Variants in ASTN2 observed in about 807,000 individuals in gnomAD.
ASTN2 encodes astrotactin 2, also known as astrotactin-2.
In ASTN2, 54 loss-of-function variants were observed where a neutral mutation model predicts 139.8. The observed-to-expected ratio is 0.39, with a 90% CI of 0.31 to 0.48. The LOEUF is 0.48. ASTN2 is among the 20% of genes least tolerant of loss of function. The probability of loss-of-function intolerance (pLI) is 0.95; values close to 1 mark genes in which losing one functional copy is unlikely to be tolerated. For synonymous variants in ASTN2, 756 were observed against 719.5 expected, an observed-to-expected ratio of 1.05 and a Z score of -0.81; for missense variants, 1,565 against 1,725.1, an observed-to-expected ratio of 0.91 and a Z score of 1.64.
chr9:117,282,976 T>C (rs1834360674), intron 2 of ASTN2, among the ~76,000 whole-genome samples: 1 of 146,878 alleles, frequency 6.8e-6, no homozygotes, highest in Admixed American at 6.8e-5. Context: ...ATTTCATACT[T>C]CTACTGTTTT....
intron 10 of ASTN2, among the ~76,000 whole-genome samples, chr9:116,950,126 G>A (rs1362030373): frequency 6.6e-6 from 1 of 152,186 alleles, no homozygotes; most frequent in Non-Finnish European, 1.5e-5. Flanking sequence ...AATCTTGCCA[G>A]CATTGGTATT....
intron 16 of ASTN2, among the ~76,000 whole-genome samples, chr9:116,707,075 T>C (rs957871000): frequency 2.6e-5 from 4 of 151,802 alleles, no homozygotes; most frequent in African/African-American, 9.7e-5. Flanking sequence ...TGGTTGTTTA[T>C]CTCAACCAGG....
In ASTN2 at chr9:116,616,026, C is replaced by T. The variant is rs144663556; in HGVS notation, c.3355+2298G>A. ...GCAAAGATGTCTGCTCTTACCACTT[C>T]TGTTCAATATAGTACTAAAATTCCT... On this transcript the variant is annotated intron_variant, in intron 19 of 22. Transcript: ENST00000313400. Among the ~76,000 whole-genome samples the T allele has an allele frequency of 9.1e-4, 139 of 152,310 alleles. 1 individual carries two copies. Among genetic ancestry groups the T allele is most frequent in the Non-Finnish European group, 1.7e-3 (116 of 68,030 alleles).
intron 3 of ASTN2, among the ~76,000 whole-genome samples, chr9:117,202,987 T>C (rs1482086793): frequency 6.6e-6 from 1 of 152,018 alleles, no homozygotes; most frequent in African/African-American, 2.4e-5. Context: ...ATTGTAGGTT[T>C]GGTCTTTTTA....
At chr9:116,590,837 T>G (rs10983254) in intron 19 of ASTN2, among the ~76,000 whole-genome samples, 68,376 of 151,960 alleles carry the variant, frequency 0.45, 16,017 homozygotes, top group East Asian at 0.69. Flanking sequence ...CTCCTCGACT[T>G]GCCCATGGAA....
chr9:117,280,412 T>C (rs1237589203), intron 2 of ASTN2, among the ~76,000 whole-genome samples: 1 of 152,104 alleles, frequency 6.6e-6, no homozygotes, highest in East Asian at 1.9e-4. Flanking sequence ...CAGATGTAAT[T>C]GAGTAAAAAA....
At chr9:116,666,949 C>CTTTTTTT (rs34835904) in intron 16 of ASTN2, among the ~76,000 whole-genome samples, 7 of 70,362 alleles carry the variant, frequency 9.9e-5, no homozygotes, top group Non-Finnish European at 1.2e-4. Context: ...TTTATTTATT[C>CTTTTTTT]TTTTTTTTTT....
At chr9:116,739,011 T>TACACAC (rs35705356) in intron 13 of ASTN2, among the ~76,000 whole-genome samples, 41 of 150,514 alleles carry the variant, frequency 2.7e-4, no homozygotes, top group South Asian at 2.1e-3. Context: ...AACATTCACT[T>TACACAC]ACACACACAC....
At chr9:117,271,630 C>A (rs1226114371) in intron 2 of ASTN2, among the ~76,000 whole-genome samples, 1 of 152,168 alleles carries the variant, frequency 6.6e-6, no homozygotes, top group Admixed American at 6.5e-5. Flanking sequence ...ACTTCCTAGA[C>A]ACAATGGGGT....
chr9:116,632,676 C>T, intron 17 of ASTN2, among the ~76,000 whole-genome samples: 1 of 152,176 alleles, frequency 6.6e-6, no homozygotes, highest in East Asian at 1.9e-4. Context: ...TGGGTTCCCC[C>T]AGCCTATAAT....
rs562764149 is a variant in ASTN2 at position 117,025,865 on chromosome 9, C to T, written c.1423+13954G>A. On this transcript the variant is annotated intron_variant, in intron 6 of 22. Coordinates refer to ENST00000313400, the MANE Select transcript of ASTN2 (RefSeq NM_001365068.1). ...GGAGTGCAGTCGCGTGATCTTGGCT[C>T]ACTGCACCCTCCACCTCCCAGGTTC... 1.9e-4 allele frequency among the ~76,000 whole-genome samples: 28 copies of T among 150,820 alleles called. 1 individual carries two copies. The South Asian group carries it at 5.2e-3, about 28-fold the overall frequency.
At chr9:117,247,846 G>T (rs1054544955) in intron 2 of ASTN2, among the ~76,000 whole-genome samples, 9 of 152,300 alleles carry the variant, frequency 5.9e-5, no homozygotes, top group Middle Eastern at 3.4e-3. Context: ...GGGTGCAGCA[G>T]GTGCTTGCAA....
Position 116,928,768 on chromosome 9 carries a change from C to A in ASTN2, c.1889+46440G>T, listed in dbSNP as rs149648048. On this transcript the variant is annotated intron_variant, in intron 10 of 22. Coordinates refer to ENST00000313400, the MANE Select transcript of ASTN2 (RefSeq NM_001365068.1). Reference sequence around the variant, plus strand: ...AAAAAAAGGATGTTTACCTAGCTGACCTGTAAGTTAAACACTGTATTAAGG... The same window carrying A: ...AAAAAAAGGATGTTTACCTAGCTGAACTGTAAGTTAAACACTGTATTAAGG... 1.9e-3 allele frequency among the ~76,000 whole-genome samples: 296 copies of A among 151,966 alleles called. 2 individuals are homozygous for A. The highest frequency in any genetic ancestry group is 0.01 in the Middle Eastern group (3 of 290).
chr9:116,813,274 C>G (rs965404992), intron 12 of ASTN2, among the ~76,000 whole-genome samples: 12 of 152,136 alleles, frequency 7.9e-5, no homozygotes, highest in South Asian at 2.1e-4. Flanking sequence ...ATAGAGAATA[C>G]CAAAACTAGA....
chr9:116,765,949 G>T (rs565567504), intron 13 of ASTN2, among the ~76,000 whole-genome samples: 6 of 152,120 alleles, frequency 3.9e-5, no homozygotes, highest in African/African-American at 1.4e-4. Context: ...ATTGGGGGAG[G>T]GAATAAGCGT....
chr9:117,167,962 G>C (rs1304285018), intron 3 of ASTN2, among the ~76,000 whole-genome samples: 1 of 152,156 alleles, frequency 6.6e-6, no homozygotes, highest in Non-Finnish European at 1.5e-5. Flanking sequence ...AGGTTATCAA[G>C]GTGGCTTTGA....
At chr9:117,051,159 G>A (rs1212302299) in intron 5 of ASTN2, among the ~76,000 whole-genome samples, 2 of 152,024 alleles carry the variant, frequency 1.3e-5, no homozygotes, top group Non-Finnish European at 2.9e-5. Context: ...GCATTGTTGT[G>A]TGACTGACTC....
chr9:116,609,379 G>GTGTATATATATATATATA (rs1448736644), intron 19 of ASTN2, among the ~76,000 whole-genome samples: 2 of 116,726 alleles, frequency 1.7e-5, no homozygotes, highest in Non-Finnish European at 3.6e-5. Context: ...ATATATGGGT[G>GTGTATATATATATATATA]TATATATATA....
intron 20 of ASTN2, among the ~76,000 whole-genome samples, chr9:116,471,304 A>G (rs1475123696): frequency 6.6e-6 from 1 of 152,134 alleles, no homozygotes; most frequent in Non-Finnish European, 1.5e-5. Context: ...ACCCACACAC[A>G]ACCTCTCCAC....
Sources: gnomAD v4.1 joint callset for allele counts (sites outside exome capture counted in the v4.1 genomes callset) on GRCh38, gnomAD v4.1.1 for gene constraint, MANE v1.5 for transcripts, NCBI Gene and HGNC (gene_info 2026-07-23, HGNC 2026-07-21) for gene names.